Variants in ZBBX observed in about 807,000 individuals in gnomAD.
ZBBX encodes the protein zinc finger B-box domain-containing protein 1.
ZBBX carries 101 observed loss-of-function variants against 108.5 expected under a neutral mutation model. The ratio of observed to expected loss-of-function variants is 0.93; its 90% CI spans 0.79 to 1.10. The LOEUF is 1.10. ZBBX is among the 50% of genes least tolerant of loss of function. The probability of loss-of-function intolerance (pLI) is 0.00; values close to 1 mark genes in which losing one functional copy is unlikely to be tolerated. For synonymous variants in ZBBX, 356 were observed against 323.4 expected (o/e 1.10, Z -1.08); for missense variants, 1,009 against 941.4 (o/e 1.07, Z -0.94).
rs118018557 is a variant in ZBBX at position 167,309,579 on chromosome 3, C to T, written c.1418-3629G>A. Among the ~76,000 whole-genome samples the T allele has an allele frequency of 8.0e-4, 122 of 152,380 alleles. No homozygotes were observed. In the East Asian group the frequency reaches 0.018, roughly 23 times the overall value. On this transcript the variant is annotated intron_variant, in intron 16 of 21. Transcript: ENST00000675490. ...GCCACCAAGGCTTGGGGCTTGCACCCTCTGAATCCAAGGTCCAAGCTGTAT... is the reference window on the plus strand; with the variant it reads ...GCCACCAAGGCTTGGGGCTTGCACCTTCTGAATCCAAGGTCCAAGCTGTAT...
At chr3:167,198,583 AAG>A in the ZBBX span, among the ~76,000 whole-genome samples, 1 of 152,312 alleles carries the variant, frequency 6.6e-6, no homozygotes, top group East Asian at 1.9e-4. Context: ...GTGATTGTGA[AAG>A]AGTCTTGTCT....
chr3:167,363,439 A>T (rs1466077520), intron 6 of ZBBX, among the ~76,000 whole-genome samples: 1 of 152,010 alleles, frequency 6.6e-6, no homozygotes, highest in Non-Finnish European at 1.5e-5. Flanking sequence ...CCACCTCACC[A>T]CTTGTCAAAA....
intron 9 of ZBBX, among the ~76,000 whole-genome samples, chr3:167,337,781 AG>A (rs1475069544): frequency 6.6e-6 from 1 of 152,174 alleles, no homozygotes; most frequent in Non-Finnish European, 1.5e-5. Flanking sequence ...AATCATTTTG[AG>A]TAACAACAAT....
At chr3:167,299,173 G>T (rs1356814185) in intron 17 of ZBBX, among the ~76,000 whole-genome samples, 1 of 152,032 alleles carries the variant, frequency 6.6e-6, no homozygotes, top group African/African-American at 2.4e-5. Context: ...TCTAGATGAG[G>T]TTATAGTATA....
At chr3:167,368,796 A>G in intron 4 of ZBBX, 1 of 1,119,652 alleles carries the variant, frequency 8.9e-7, no homozygotes, top group Non-Finnish European at 1.1e-6. Flanking sequence ...TGTTTTAATT[A>G]TTACATTGCT....
the ZBBX span, among the ~76,000 whole-genome samples, chr3:167,179,778 C>A: frequency 6.6e-6 from 1 of 152,220 alleles, no homozygotes; most frequent in Non-Finnish European, 1.5e-5. Flanking sequence ...AAGACATTTT[C>A]AGCACCTTCA....
At chr3:167,220,362 C>CAATTA in the ZBBX span, among the ~76,000 whole-genome samples, 1 of 151,974 alleles carries the variant, frequency 6.6e-6, no homozygotes, top group African/African-American at 2.4e-5. Context: ...CTAAACTTAA[C>CAATTA]AACACATTAA....
chr3:167,357,747 T>C (rs1743823502), intron 8 of ZBBX, among the ~76,000 whole-genome samples: 2 of 152,116 alleles, frequency 1.3e-5, no homozygotes, highest in South Asian at 4.1e-4. Context: ...TGCGGCACTA[T>C]TCACAATAGC....
intron 16 of ZBBX, among the ~76,000 whole-genome samples, chr3:167,312,674 A>G (rs1734788939): frequency 6.6e-6 from 1 of 152,206 alleles, no homozygotes; most frequent in Non-Finnish European, 1.5e-5. Flanking sequence ...ATTTTCTTAG[A>G]GGCAACAGGA....
intron 1 of ZBBX, among the ~76,000 whole-genome samples, chr3:167,405,762 G>C (rs753227751): frequency 6.6e-6 from 1 of 152,118 alleles, no homozygotes; most frequent in African/African-American, 2.4e-5. Context: ...GAAGCAATAG[G>C]TACTCTCTTC....
intron 5 of ZBBX, among the ~76,000 whole-genome samples, chr3:167,366,602 T>G (rs1745356953): frequency 6.6e-6 from 1 of 151,816 alleles, no homozygotes; most frequent in African/African-American, 2.4e-5. Context: ...AATAAATAAT[T>G]AAGATTGGAG....
intron 9 of ZBBX, among the ~76,000 whole-genome samples, chr3:167,346,125 C>A (rs1180792400): frequency 1.3e-5 from 2 of 151,734 alleles, no homozygotes; most frequent in African/African-American, 4.8e-5. Flanking sequence ...TATATTAAGA[C>A]CTCATTTCTC....
intron 20 of ZBBX, among the ~76,000 whole-genome samples, chr3:167,262,866 C>G (rs1724795149): frequency 6.6e-6 from 1 of 152,050 alleles, no homozygotes; most frequent in African/African-American, 2.4e-5. Context: ...TTTCCTTAAT[C>G]TGGTTAAAGG....
chr3:167,219,172 A>G, the ZBBX span, among the ~76,000 whole-genome samples: 2 of 152,108 alleles, frequency 1.3e-5, no homozygotes, highest in Non-Finnish European at 2.9e-5. Flanking sequence ...AGACCCCAAT[A>G]CAATAATACC....
chr3:167,354,476 A>T (rs568925679), intron 8 of ZBBX, among the ~76,000 whole-genome samples: 1 of 151,934 alleles, frequency 6.6e-6, no homozygotes, highest in Non-Finnish European at 1.5e-5. Context: ...AGATGATGGA[A>T]TTTTTACTTA....
intron 18 of ZBBX, among the ~76,000 whole-genome samples, chr3:167,295,587 T>C (rs562070100): frequency 6.6e-6 from 1 of 151,110 alleles, no homozygotes; most frequent in Admixed American, 6.6e-5. Flanking sequence ...AGTGATGGGT[T>C]GATGGATGCA....
chr3:167,185,781 C>T, the ZBBX span, among the ~76,000 whole-genome samples: 1 of 151,980 alleles, frequency 6.6e-6, no homozygotes, highest in East Asian at 1.9e-4. Context: ...GCTTTTCCAC[C>T]TACAAGTAAG....
At chr3:167,350,201 C>CT (rs959056456) in intron 9 of ZBBX, among the ~76,000 whole-genome samples, 5 of 151,912 alleles carry the variant, frequency 3.3e-5, no homozygotes, top group African/African-American at 1.2e-4. Context: ...TAAGCTGTTT[C>CT]TGCAACTACG....
chr3:167,181,069 C>T, the ZBBX span, among the ~76,000 whole-genome samples: 32 of 152,122 alleles, frequency 2.1e-4, no homozygotes, highest in Non-Finnish European at 4.1e-4. Flanking sequence ...TCCAAATTGG[C>T]TTATCTGTTA....
Sources: gnomAD v4.1 joint callset for allele counts (sites outside exome capture counted in the v4.1 genomes callset) on GRCh38, gnomAD v4.1.1 for gene constraint, MANE v1.5 for transcripts, NCBI Gene and HGNC (gene_info 2026-07-23, HGNC 2026-07-21) for gene names.